The following DAB2IP variants were observed in gnomAD, a reference collection of about 807,000 sequenced individuals.
DAB2IP encodes DAB2 interacting protein.
DAB2IP carries 28 observed loss-of-function variants against 107.2 expected under a neutral mutation model. The observed-to-expected ratio is 0.26, with a 90% CI of 0.19 to 0.36. The LOEUF (loss-of-function observed/expected upper bound fraction) is 0.36, where lower values mean the gene tolerates loss of function less well. Among genes scored for constraint, DAB2IP ranks in the 10% least tolerant of loss-of-function variants. The probability of loss-of-function intolerance (pLI) is 1.00; values close to 1 mark genes in which losing one functional copy is unlikely to be tolerated. For missense variants in DAB2IP, 1,400 were observed against 1,644.7 expected, an observed-to-expected ratio of 0.85 and a Z score of 2.57; for synonymous variants, 755 against 706.4, an observed-to-expected ratio of 1.07 and a Z score of -1.09.
chr9:121,733,707 AC>A (rs2118863912), intron 3 of DAB2IP, among the ~76,000 whole-genome samples: 1 of 152,334 alleles, frequency 6.6e-6, no homozygotes, highest in Non-Finnish European at 1.5e-5. Flanking sequence ...GCCCGGGGCC[AC>A]TGGGAAGGCT....
intron 1 of DAB2IP, among the ~76,000 whole-genome samples, chr9:121,613,353 C>A (rs1435326210): frequency 6.6e-6 from 1 of 152,234 alleles, no homozygotes; most frequent in East Asian, 1.9e-4. Flanking sequence ...ATCCTCCTCA[C>A]CAACTAGTGC....
rs78857268 is a variant in DAB2IP, at chr9:121,616,133, T to A, written c.40+48905T>A. On this transcript the variant is annotated intron_variant, in intron 1 of 16. Coordinates refer to the DAB2IP transcript ENST00000259371. ...TGGGACCCCAAAATTCGACCCCACC[T>A]TCCTCCCACCCTGATCCCTGGGGAT... Among the ~76,000 whole-genome samples, 439 of 152,230 alleles carry A rather than the reference T, an allele frequency of 2.9e-3. 1 individual carries two copies. The highest frequency in any genetic ancestry group is 0.01 in the African/African-American group (417 of 41,554).
At chr9:121,574,804 T>C (rs1403794903) in intron 1 of DAB2IP, 2 of 152,318 alleles carry the variant, frequency 1.3e-5, no homozygotes, top group South Asian at 2.1e-4. Context: ...TGGCCAGCCA[T>C]GCGGGGGGCT....
intron 1 of DAB2IP, among the ~76,000 whole-genome samples, chr9:121,673,585 A>T (rs1833767409): frequency 6.6e-6 from 1 of 151,792 alleles, no homozygotes; most frequent in South Asian, 2.1e-4. Flanking sequence ...TGTCTGTGAT[A>T]TTAAAATTTT....
intron 3 of DAB2IP, among the ~76,000 whole-genome samples, chr9:121,753,294 C>G (rs1045263942): frequency 3.3e-5 from 5 of 152,194 alleles, no homozygotes; most frequent in African/African-American, 7.2e-5. Flanking sequence ...TTTTGCCCTC[C>G]TTGGTGCCAC....
chr9:121,782,599 C>T lies in DAB2IP; in HGVS notation c.*101C>T, dbSNP rs1017416333. 2.0e-5 allele frequency: 30 copies of T among 1,537,958 alleles called. No homozygotes were observed. Among genetic ancestry groups the T allele is most frequent in the Middle Eastern group, 1.8e-4 (1 of 5,680 alleles). ...GGCACCCACGGTTGCAGCCCCAGCGCGGGTGTCAGGAGGCCGAGCCTCCCC... is the reference window on the plus strand; with the variant it reads ...GGCACCCACGGTTGCAGCCCCAGCGTGGGTGTCAGGAGGCCGAGCCTCCCC... On this transcript the variant is annotated 3_prime_UTR_variant, in exon 16 of 16. Coordinates refer to ENST00000408936, the Ensembl canonical transcript of DAB2IP. The surrounding 1 kb of genome is among the most constrained non-coding windows in gnomAD (Gnocchi z 6.1).
Position 121,623,370 on chromosome 9 carries a change from G to T in DAB2IP, c.41-55308G>T, listed in dbSNP as rs77468141. Among the ~76,000 whole-genome samples, 175 of 152,270 alleles carry T rather than the reference G, an allele frequency of 1.1e-3. 4 individuals carry two copies. In the East Asian group the frequency reaches 0.03, roughly 26 times the overall value. ...AGAGTTCAGTTTTGTTGTTGTTGTT[G>T]TTCTTTTGGTGGGGGGAATAGGGTC... On this transcript the variant is annotated intron_variant, in intron 1 of 16. Transcript: ENST00000259371.
rs189055936 is a variant in DAB2IP at position 121,658,459 on chromosome 9, C to T, written c.124+6560C>T. Among the ~76,000 whole-genome samples, 5 of 152,366 alleles carry T rather than the reference C, an allele frequency of 3.3e-5. No individual in the cohort carries two copies. In the East Asian group the frequency reaches 7.7e-4, roughly 24 times the overall value. On this transcript the variant is annotated intron_variant, in intron 1 of 15. Transcript: ENST00000408936. ...TGAGAATGAGCAGCCGAGATGCCCA[C>T]GTATCGCGTGCCCGCTCTAGGAGTG... is the stretch of plus-strand genomic sequence containing the variant.
chr9:121,675,050 G>C (rs1833840401), intron 1 of DAB2IP, among the ~76,000 whole-genome samples: 1 of 152,088 alleles, frequency 6.6e-6, no homozygotes, highest in Non-Finnish European at 1.5e-5. Context: ...TGGTTTGATG[G>C]AGGCATCTTG....
At chr9:121,615,348 T>A (rs1831232088) in intron 1 of DAB2IP, among the ~76,000 whole-genome samples, 1 of 152,232 alleles carries the variant, frequency 6.6e-6, no homozygotes, top group East Asian at 1.9e-4. Flanking sequence ...AACCTCTGAC[T>A]GTAGAACACT....
At chr9:121,717,713 G>T (rs1396310573) in intron 3 of DAB2IP, among the ~76,000 whole-genome samples, 1 of 152,188 alleles carries the variant, frequency 6.6e-6, no homozygotes, top group Non-Finnish European at 1.5e-5. Context: ...TGAGAGTCTG[G>T]TCAGGGTCCT....
intron 1 of DAB2IP, among the ~76,000 whole-genome samples, chr9:121,659,855 C>G (rs1250208237): frequency 6.6e-6 from 1 of 152,048 alleles, no homozygotes; most frequent in Non-Finnish European, 1.5e-5. Context: ...CTGGACCCAC[C>G]TAGGTGGTTT....
intron 4 of DAB2IP, among the ~76,000 whole-genome samples, chr9:121,757,667 A>G (rs1018071600): frequency 6.6e-6 from 1 of 152,066 alleles, no homozygotes; most frequent in Non-Finnish European, 1.5e-5. Context: ...CCAGTCCCTC[A>G]TAGGAAATGG....
Position 121,699,267 on chromosome 9 carries a change from C to A in DAB2IP, c.229-58C>A. ...GGTGCGGGTCCCGCGCGGGTCCCGG[C>A]CCGCCGCCGCCGCGCTAACCCCGCC... On this transcript the variant is annotated intron_variant, in intron 2 of 15. Coordinates refer to ENST00000408936, the Ensembl canonical transcript of DAB2IP. This position sits in a 1 kb window ranked among gnomAD's most constrained non-coding sequence, Gnocchi z 6.2. The A allele has an allele frequency of 7.9e-7, 1 of 1,270,510 alleles. No homozygotes were observed. The highest frequency in any genetic ancestry group is 1.8e-5 in the South Asian group (1 of 54,922). 78.7% of individuals were successfully genotyped at this position (1,270,510 alleles called of 1,614,324 possible).
At chr9:121,693,896 C>T (rs1829286793) in intron 2 of DAB2IP, among the ~76,000 whole-genome samples, 1 of 152,160 alleles carries the variant, frequency 6.6e-6, no homozygotes, top group Non-Finnish European at 1.5e-5. Flanking sequence ...CCTTTGAGAC[C>T]ATTGGTGACG....
At chr9:121,695,416 C>A (rs1432222378) in intron 2 of DAB2IP, among the ~76,000 whole-genome samples, 1 of 152,180 alleles carries the variant, frequency 6.6e-6, no homozygotes, top group East Asian at 1.9e-4. Context: ...CGACATTGTA[C>A]CTCATTTCAT....
At chr9:121,679,928 C>A (rs1239637233) in intron 2 of DAB2IP, among the ~76,000 whole-genome samples, 1 of 152,202 alleles carries the variant, frequency 6.6e-6, no homozygotes, top group East Asian at 1.9e-4. Flanking sequence ...TAGAAATTTC[C>A]TCTGCTTGCC....
In DAB2IP at chr9:121,718,978, T is replaced by C. The variant is rs573980591; in HGVS notation, c.362+19520T>C. Among the ~76,000 whole-genome samples, 97 of 152,290 alleles carry C rather than the reference T, an allele frequency of 6.4e-4. 1 individual carries two copies. The South Asian group carries it at 0.02, about 31-fold the overall frequency. ...TTCTGTGCTTCACTTTTGGGTCCAC[T>C]CCACCTGGTAGCAAGGGGGTGCTTC... On this transcript the variant is annotated intron_variant, in intron 3 of 15. Transcript: ENST00000408936.
At chr9:121,676,486 C>A (rs533586388) in intron 1 of DAB2IP, among the ~76,000 whole-genome samples, 1 of 152,226 alleles carries the variant, frequency 6.6e-6, no homozygotes, top group Admixed American at 6.5e-5. Flanking sequence ...GTGTTCACAC[C>A]TACCAGGGAA....
Sources: gnomAD v4.1 joint callset for allele counts (sites outside exome capture counted in the v4.1 genomes callset) on GRCh38, gnomAD v4.1.1 for gene constraint, Gnocchi (gnomAD v3.1) non-coding constraint, MANE v1.5 for transcripts, NCBI Gene and HGNC (gene_info 2026-07-23, HGNC 2026-07-21) for gene names.